Variants in CNTNAP3B observed in about 807,000 individuals in gnomAD.
CNTNAP3B encodes the protein contactin-associated protein-like 3B.
In CNTNAP3B, 25 loss-of-function variants were observed where a neutral mutation model predicts 108.9. The ratio of observed to expected loss-of-function variants is 0.23; its 90% confidence interval spans 0.17 to 0.32. CNTNAP3B has a LOEUF of 0.32. Among genes scored for constraint, CNTNAP3B ranks in the 10% least tolerant of loss-of-function variants. The pLI, the probability that CNTNAP3B is intolerant of heterozygous loss-of-function variation, is 1.00. For synonymous variants in CNTNAP3B, 103 were observed against 473.4 expected (o/e 0.22, Z 10.16); for missense variants, 252 against 1,210.4 (o/e 0.21, Z 11.75).
chr9:42,061,317 CTTTTTTTTT>C (rs57755649), intron 3 of CNTNAP3B, among the ~76,000 whole-genome samples: 1 of 93,072 alleles, frequency 1.1e-5, no homozygotes. Flanking sequence ...TTTTCTTTTT[CTTTTTTTTT>C]TTTTTTTTTT....
At chr9:42,061,316 T>C (rs1827173938) in intron 3 of CNTNAP3B, among the ~76,000 whole-genome samples, 1 of 94,974 alleles carries the variant, frequency 1.1e-5, no homozygotes, top group East Asian at 5.5e-4. Flanking sequence ...ATTTTCTTTT[T>C]CTTTTTTTTT....
At chr9:42,045,727 C>T (rs1178272689) in intron 3 of CNTNAP3B, among the ~76,000 whole-genome samples, 2 of 148,538 alleles carry the variant, frequency 1.3e-5, no homozygotes, top group Admixed American at 6.7e-5. Flanking sequence ...CTGAGTTGGT[C>T]TAATGTCTTA....
intron 15 of CNTNAP3B, among the ~76,000 whole-genome samples, chr9:41,924,645 G>GCGCGCGCGCGCACACACACACA (rs1474850625): frequency 2.2e-5 from 3 of 135,050 alleles, no homozygotes; most frequent in Admixed American, 7.2e-5. Flanking sequence ...TTTCCTTCCT[G>GCGCGCGCGCGCACACACACACA]CACACACACA....
intron 3 of CNTNAP3B, among the ~76,000 whole-genome samples, chr9:42,055,156 A>C (rs1193646911): frequency 7.2e-6 from 1 of 139,322 alleles, no homozygotes; most frequent in Non-Finnish European, 1.5e-5. Flanking sequence ...TTTTAATTGA[A>C]AAGCCATACG....
chr9:41,940,582 G>A (rs865938500), intron 13 of CNTNAP3B, among the ~76,000 whole-genome samples: 13 of 152,264 alleles, frequency 8.5e-5, no homozygotes, highest in Non-Finnish European at 8.8e-5. Flanking sequence ...CACTTTCGGA[G>A]GCCGAGGTGG....
At position 42,095,099 on chromosome 9, in the gene CNTNAP3B, C is replaced by T. The variant is rs1162935336; in HGVS notation, c.196+9530G>A. Reference sequence around the variant, plus strand: ...TATTAACTCTATTCACTATGCTGTGCAAAAGAACAACAGAAATTATTATTC... The same window carrying T: ...TATTAACTCTATTCACTATGCTGTGTAAAAGAACAACAGAAATTATTATTC... On this transcript the variant is annotated intron_variant, in intron 2 of 23. Transcript: ENST00000377561. 2.6e-4 allele frequency among the ~76,000 whole-genome samples: 36 copies of T among 135,946 alleles called. 5 individuals carry two copies. The highest frequency in any genetic ancestry group is 3.6e-4 in the Non-Finnish European group (23 of 64,102). The allele number at this position is 135,946 out of a possible 152,430, so 89.2% of individuals were successfully genotyped here. A position where few individuals can be genotyped will look rare whatever the true frequency, so the allele number is the denominator to read the frequency against.
intron 2 of CNTNAP3B, among the ~76,000 whole-genome samples, chr9:42,078,452 T>C (rs1827537239): frequency 7.2e-6 from 1 of 139,830 alleles, no homozygotes; most frequent in Non-Finnish European, 1.5e-5. Context: ...AAAGTTTATA[T>C]TATATATATA....
At chr9:42,114,737 G>GA (rs201594781) in intron 1 of CNTNAP3B, among the ~76,000 whole-genome samples, 2,489 of 129,646 alleles carry the variant, frequency 0.019, 468 homozygotes, top group African/African-American at 0.074. Flanking sequence ...ATGAAACCCA[G>GA]AAAAAACATG....
intron 13 of CNTNAP3B, among the ~76,000 whole-genome samples, chr9:41,945,758 T>C (rs1413592139): frequency 8.9e-4 from 135 of 152,292 alleles, no homozygotes; most frequent in African/African-American, 3.1e-3. Flanking sequence ...GAAATTAAGG[T>C]ATGATAATAA....
chr9:42,051,622 G>C (rs1402811401), intron 3 of CNTNAP3B, among the ~76,000 whole-genome samples: 1 of 111,514 alleles, frequency 9.0e-6, no homozygotes, highest in African/African-American at 3.4e-5. Context: ...GGAGAACCTA[G>C]TTTTCATTTG....
intron 3 of CNTNAP3B, among the ~76,000 whole-genome samples, chr9:42,035,977 G>A (rs866944240): frequency 0.01 from 1,458 of 143,120 alleles, 19 homozygotes; most frequent in African/African-American, 0.037. Flanking sequence ...GCATGGTGGC[G>A]CATGCCTGTA....
chr9:41,967,716 C>G (rs1244266468), intron 10 of CNTNAP3B, among the ~76,000 whole-genome samples: 1 of 152,276 alleles, frequency 6.6e-6, no homozygotes, highest in East Asian at 1.9e-4. Flanking sequence ...CCAAAGTTTT[C>G]TAATTTTATT....
rs1273372556 is a variant in CNTNAP3B, at chr9:41,949,974, A to T, written c.2080+3209T>A. On this transcript the variant is annotated intron_variant, in intron 13 of 23. Coordinates refer to ENST00000377561, the MANE Select transcript of CNTNAP3B (RefSeq NM_001201380.3). ...GAGTGGGAAAAAATATTCGCAAATC[A>T]CATATCCAACAAAAGGCTAGTATCT... Among the ~76,000 whole-genome samples the T allele has an allele frequency of 9.9e-5, 15 of 152,028 alleles. No individual in the cohort carries two copies. In the South Asian group the frequency reaches 3.1e-3, roughly 32 times the overall value.
chr9:42,044,270 G>A (rs1426683962), intron 3 of CNTNAP3B, among the ~76,000 whole-genome samples: 2 of 151,338 alleles, frequency 1.3e-5, no homozygotes, highest in African/African-American at 2.4e-5. Context: ...CATCACAGGT[G>A]TGTATGTATA....
At chr9:41,969,645 T>C (rs1825383527) in intron 10 of CNTNAP3B, among the ~76,000 whole-genome samples, 1 of 151,958 alleles carries the variant, frequency 6.6e-6, no homozygotes, top group Non-Finnish European at 1.5e-5. Flanking sequence ...TGAGACCGAG[T>C]CTCGCTCTGT....
Position 42,120,610 on chromosome 9 carries a change from G to A in CNTNAP3B, c.85+8400C>T, listed in dbSNP as rs1488093571. 3.6e-5 allele frequency among the ~76,000 whole-genome samples: 5 copies of A among 137,740 alleles called. 1 individual carries two copies. 90.4% of individuals were successfully genotyped at this position (137,740 alleles called of 152,430 possible). ...ATGATAGACTGGATTAAGAAAATGT[G>A]GCACATATACACCATGGAATACTAT... On this transcript the variant is annotated intron_variant, in intron 1 of 23. Coordinates refer to ENST00000377561, the MANE Select transcript of CNTNAP3B (RefSeq NM_001201380.3).
chr9:41,920,743 T>G (rs1158533939), intron 17 of CNTNAP3B, among the ~76,000 whole-genome samples: 1 of 152,310 alleles, frequency 6.6e-6, no homozygotes, highest in Non-Finnish European at 1.5e-5. Context: ...AACTTCCAAA[T>G]TTTTCACAAT....
At chr9:42,116,556 C>T (rs1401780978) in intron 1 of CNTNAP3B, among the ~76,000 whole-genome samples, 1 of 137,642 alleles carries the variant, frequency 7.3e-6, no homozygotes, top group Non-Finnish European at 1.5e-5. Context: ...CCAGTACCAG[C>T]CACTGCAAAA....
chr9:41,925,501 G>T (rs890367976), intron 15 of CNTNAP3B, among the ~76,000 whole-genome samples: 87 of 152,316 alleles, frequency 5.7e-4, no homozygotes, highest in Admixed American at 2.0e-3. Flanking sequence ...GCTGAGGCAG[G>T]AGAATGACGT....
Sources: allele counts gnomAD v4.1 joint callset (sites outside exome capture counted in the v4.1 genomes callset), GRCh38; gene constraint gnomAD v4.1.1; transcripts MANE v1.5; gene names NCBI Gene and HGNC (gene_info 2026-07-23, HGNC 2026-07-21).